DAB1: variants seen among roughly 807,000 people sequenced by gnomAD.
The protein encoded by DAB1 is disabled homolog 1.
In DAB1, 15 loss-of-function variants were observed where a neutral mutation model predicts 64.6. The ratio of observed to expected loss-of-function variants is 0.23; its 90% CI spans 0.16 to 0.36. The LOEUF is 0.36. DAB1 is among the 10% of genes least tolerant of loss of function. DAB1 has a pLI of 1.00. For synonymous variants in DAB1, 235 were observed against 251.9 expected, an observed-to-expected ratio of 0.93 and a Z score of 0.64; for missense variants, 596 against 706.7, an observed-to-expected ratio of 0.84 and a Z score of 1.78.
intron 5 of DAB1, among the ~76,000 whole-genome samples, chr1:57,940,395 C>T (rs1645085936): frequency 6.6e-6 from 1 of 152,210 alleles, no homozygotes; most frequent in Non-Finnish European, 1.5e-5. Flanking sequence ...CTTAGAACTT[C>T]TAATGTCTGC....
At chr1:57,228,576 G>T (rs1557982080) in intron 2 of DAB1, among the ~76,000 whole-genome samples, 2 of 152,126 alleles carry the variant, frequency 1.3e-5, no homozygotes, top group Admixed American at 1.3e-4. Flanking sequence ...AATACTAAAT[G>T]ATTTAATTAT....
At chr1:57,267,235 C>T (rs1670654366) in intron 2 of DAB1, among the ~76,000 whole-genome samples, 1 of 151,796 alleles carries the variant, frequency 6.6e-6, no homozygotes, top group Non-Finnish European at 1.5e-5. Context: ...CCACCGAGAG[C>T]AGGAAGAGGC....
At chr1:57,547,847 T>G (rs1406287246) in intron 7 of DAB1, among the ~76,000 whole-genome samples, 5 of 152,194 alleles carry the variant, frequency 3.3e-5, no homozygotes, top group African/African-American at 7.2e-5. Flanking sequence ...CTCTGTACTA[T>G]CTTTATGATG....
intron 7 of DAB1, among the ~76,000 whole-genome samples, chr1:57,524,891 A>T (rs1271467632): frequency 2.0e-5 from 3 of 152,226 alleles, no homozygotes. Flanking sequence ...CCAAACAAAA[A>T]TGAACCAACC....
intron 4 of DAB1, among the ~76,000 whole-genome samples, chr1:57,110,685 T>C (rs1208062841): frequency 2.0e-5 from 3 of 152,174 alleles, no homozygotes; most frequent in East Asian, 1.9e-4. Context: ...AAACAATCTT[T>C]CGTGAGGCAC....
chr1:57,868,149 A>G (rs1384425865), intron 1 of DAB1, among the ~76,000 whole-genome samples: 2 of 152,154 alleles, frequency 1.3e-5, no homozygotes, highest in Non-Finnish European at 2.9e-5. Context: ...AATTTGTAAT[A>G]AATTCCTCAG....
intron 6 of DAB1, among the ~76,000 whole-genome samples, chr1:57,679,520 T>C (rs1201761271): frequency 6.6e-6 from 1 of 152,170 alleles, no homozygotes; most frequent in Admixed American, 6.5e-5. Flanking sequence ...AGGTGAGATA[T>C]GGGAGAAAAG....
intron 1 of DAB1, among the ~76,000 whole-genome samples, chr1:57,847,257 T>C (rs939809859): frequency 2.6e-5 from 4 of 151,294 alleles, no homozygotes; most frequent in African/African-American, 9.7e-5. Context: ...AAAACAGACA[T>C]TCAGCTTTTA....
chr1:57,682,764 C>T (rs567455785), intron 6 of DAB1, among the ~76,000 whole-genome samples: 24 of 152,200 alleles, frequency 1.6e-4, no homozygotes, highest in Admixed American at 3.9e-4. Flanking sequence ...TCCAGTGGAG[C>T]GCAGCCATAG....
intron 5 of DAB1, among the ~76,000 whole-genome samples, chr1:58,015,954 T>G (rs575508794): frequency 6.6e-6 from 1 of 152,126 alleles, no homozygotes; most frequent in South Asian, 2.1e-4. Context: ...CCAGATGAAC[T>G]GCAAAGAACT....
At chr1:57,032,779 T>A (rs916001375) in intron 9 of DAB1, among the ~76,000 whole-genome samples, 84 of 152,340 alleles carry the variant, frequency 5.5e-4, no homozygotes, top group African/African-American at 1.8e-3. Context: ...CCCAATACTG[T>A]ATTTAGGAGT....
chr1:58,061,440 C>T (rs533569416), intron 5 of DAB1, among the ~76,000 whole-genome samples: 145 of 152,254 alleles, frequency 9.5e-4, no homozygotes, highest in African/African-American at 3.4e-3. Context: ...TTTCTGGTGA[C>T]CTTTGGCACT....
intron 2 of DAB1, among the ~76,000 whole-genome samples, chr1:57,288,831 A>T (rs1672543253): frequency 6.6e-6 from 1 of 152,204 alleles, no homozygotes; most frequent in Non-Finnish European, 1.5e-5. Flanking sequence ...AGAAGATCAC[A>T]GCTAACCTTT....
At chr1:57,455,972 C>T (rs1450235479) in intron 7 of DAB1, among the ~76,000 whole-genome samples, 3 of 152,154 alleles carry the variant, frequency 2.0e-5, no homozygotes, top group Non-Finnish European at 4.4e-5. Context: ...ACAACATTTA[C>T]TCAATAAACA....
chr1:58,467,492 G>C (rs1269643573), intron 3 of DAB1, among the ~76,000 whole-genome samples: 2 of 152,154 alleles, frequency 1.3e-5, no homozygotes, highest in East Asian at 3.8e-4. Flanking sequence ...ATAGCCACTG[G>C]GGATTAAGAA....
intron 3 of DAB1, among the ~76,000 whole-genome samples, chr1:58,485,029 A>G (rs338227): frequency 0.87 from 132,516 of 151,826 alleles, 58,452 homozygotes; most frequent in African/African-American, 0.97. Flanking sequence ...CACCAAGAGT[A>G]AACCCTAATG....
At chr1:57,466,248 T>C (rs1686950573) in intron 7 of DAB1, among the ~76,000 whole-genome samples, 2 of 152,198 alleles carry the variant, frequency 1.3e-5, no homozygotes, top group Non-Finnish European at 1.5e-5. Context: ...AGAGAGCATA[T>C]TGGAATTTGT....
intron 2 of DAB1, among the ~76,000 whole-genome samples, chr1:58,523,545 C>T (rs1646300279): frequency 1.3e-5 from 2 of 152,256 alleles, no homozygotes; most frequent in African/African-American, 2.4e-5. Flanking sequence ...ACCATTTGGA[C>T]GCCTTCAGTG....
At chr1:57,759,223 A>G (rs1193387249) in intron 6 of DAB1, among the ~76,000 whole-genome samples, 1 of 152,182 alleles carries the variant, frequency 6.6e-6, no homozygotes, top group Non-Finnish European at 1.5e-5. Flanking sequence ...CAATAGTGGT[A>G]AAGGGAGCCA....
Sources: gnomAD v4.1 joint callset for allele counts (sites outside exome capture counted in the v4.1 genomes callset) on GRCh38, gnomAD v4.1.1 for gene constraint, MANE v1.5 for transcripts, NCBI Gene and HGNC (gene_info 2026-07-23, HGNC 2026-07-21) for gene names.